Variants in RYR2 observed in about 807,000 individuals in gnomAD.
RYR2 encodes ryanodine receptor 2.
RYR2 carries 227 observed loss-of-function variants against 601.1 expected under a neutral mutation model. The ratio of observed to expected loss-of-function variants is 0.38; its 90% CI spans 0.34 to 0.42. The LOEUF (loss-of-function observed/expected upper bound fraction) is 0.42. Among genes scored for constraint, RYR2 ranks in the 10% least tolerant of loss-of-function variants. The probability of loss-of-function intolerance (pLI) is 1.00; values close to 1 mark genes in which losing one functional copy is unlikely to be tolerated. For missense variants in RYR2, 4,646 were observed against 6,156.5 expected (o/e 0.75, Z 8.21); for synonymous variants, 2,223 against 2,175.1 (o/e 1.02, Z -0.61).
chr1:237,814,718 G>A (rs1661606136), intron 100 of RYR2, among the ~76,000 whole-genome samples: 1 of 152,120 alleles, frequency 6.6e-6, no homozygotes, highest in Non-Finnish European at 1.5e-5. Context: ...TAGCCAGGGA[G>A]TCTGACTTGA....
At chr1:237,649,816 C>A (rs1335837169) in intron 49 of RYR2, 61 bp from the exon 50 acceptor site, 20 of 1,403,702 alleles carry the variant, frequency 1.4e-5, no homozygotes, top group Non-Finnish European at 2.0e-5. Flanking sequence ...CCATGTTAAT[C>A]CCTTTGAAGA....
intron 10 of RYR2, among the ~76,000 whole-genome samples, chr1:237,403,292 A>C (rs1467548720): frequency 6.6e-6 from 1 of 152,214 alleles, no homozygotes; most frequent in Non-Finnish European, 1.5e-5. Flanking sequence ...AAGATATAGT[A>C]CCTTTAAAGG....
At position 237,638,340 on chromosome 1, in the gene RYR2, A is replaced by T. The variant is rs1177130079; in HGVS notation, c.6793-17A>T. ...TTCAGCCAAGGGATAACTCTTTGTT[A>T]ATCATGTTGTTTGCAGGTAGTTCGT... On this transcript the variant is annotated splice_polypyrimidine_tract_variant and intron_variant, in intron 44 of 104. Transcript: ENST00000366574. The T allele has an allele frequency of 6.2e-7, 1 of 1,613,720 alleles. No homozygotes were observed. The highest frequency in any genetic ancestry group is 1.7e-4 in the Middle Eastern group (1 of 6,056).
At chr1:237,492,307 C>A (rs540677607) in intron 18 of RYR2, among the ~76,000 whole-genome samples, 1 of 152,356 alleles carries the variant, frequency 6.6e-6, no homozygotes, top group South Asian at 2.1e-4. Context: ...TCTGGGATTA[C>A]AGGCATGAGC....
chr1:237,445,231 T>C (rs1708226662), intron 13 of RYR2, among the ~76,000 whole-genome samples, 170 bp from the exon 14 acceptor site: 1 of 152,180 alleles, frequency 6.6e-6, no homozygotes, highest in Admixed American at 6.5e-5. Flanking sequence ...CTAATTTGTA[T>C]AGGGAGCTGT....
intron 1 of RYR2, among the ~76,000 whole-genome samples, chr1:237,068,533 A>G (rs539612623): frequency 6.6e-6 from 1 of 152,182 alleles, no homozygotes; most frequent in East Asian, 1.9e-4. Flanking sequence ...TCACATTTTC[A>G]CTGGTGGATG....
intron 90 of RYR2, 59 bp from the exon 91 acceptor site, chr1:237,785,910 C>T (rs1411459231): frequency 8.5e-7 from 1 of 1,181,940 alleles, no homozygotes; most frequent in African/African-American, 1.5e-5. Flanking sequence ...ATGGCTCCCT[C>T]AATTCATTCA....
At chr1:237,491,657 T>C in intron 17 of RYR2, 149 bp from the exon 18 acceptor site, 1 of 545,946 alleles carries the variant, frequency 1.8e-6, no homozygotes, top group South Asian at 2.4e-5. Context: ...ACACCACCTG[T>C]CACCTATCAC....
At chr1:237,471,996 A>G (rs1660776386) in intron 17 of RYR2, among the ~76,000 whole-genome samples, 1 of 152,228 alleles carries the variant, frequency 6.6e-6, no homozygotes, top group South Asian at 2.1e-4. Flanking sequence ...CCCTAGCATC[A>G]GACTTGCAAT....
intron 12 of RYR2, among the ~76,000 whole-genome samples, chr1:237,423,763 T>A (rs1705828563): frequency 6.6e-6 from 1 of 152,238 alleles, no homozygotes; most frequent in Admixed American, 6.5e-5. Context: ...TCCATTCTTA[T>A]ATGCGGACCT....
chr1:237,355,873 C>A, intron 3 of RYR2, 92 bp from the exon 4 acceptor site: 2 of 1,171,382 alleles, frequency 1.7e-6, no homozygotes, highest in African/African-American at 1.5e-5. Flanking sequence ...GTGCAAGGAC[C>A]AAATTGATAT....
At chr1:237,215,043 T>G (rs1176904678) in intron 1 of RYR2, among the ~76,000 whole-genome samples, 1 of 152,182 alleles carries the variant, frequency 6.6e-6, no homozygotes, top group East Asian at 1.9e-4. Flanking sequence ...GTGAGGATCT[T>G]TATGGTTTAA....
intron 1 of RYR2, among the ~76,000 whole-genome samples, chr1:237,256,613 A>G (rs1276546023): frequency 6.6e-6 from 1 of 152,194 alleles, no homozygotes; most frequent in East Asian, 1.9e-4. Flanking sequence ...TGAAAGCGGT[A>G]ATTGAAGAGG....
chr1:237,813,765 T>C (rs1661495170), intron 100 of RYR2, among the ~76,000 whole-genome samples: 1 of 152,206 alleles, frequency 6.6e-6, no homozygotes, highest in Non-Finnish European at 1.5e-5. Flanking sequence ...TTTTTCAGTT[T>C]GAGGGATTTC....
At chr1:237,374,864 G>A (rs182131513) in intron 7 of RYR2, 69 bp downstream of exon 7, 26 of 1,173,880 alleles carry the variant, frequency 2.2e-5, no homozygotes, top group South Asian at 1.6e-4. Context: ...GGAAGAAGCC[G>A]GGAAATACGA....
In RYR2 at chr1:237,634,893, C is replaced by A; in HGVS notation, c.6693C>A (p.Ser2231=). The change falls in exon 44 of 105, where the codon TCC becomes TCA. Residue 2231 remains serine (S), a synonymous_variant. Coordinates refer to ENST00000366574, the MANE Select transcript of RYR2 (RefSeq NM_001035.3). Reference sequence around the variant, plus strand: ...CATCTTCATTTGAATTAATAGCCTCCCCAGCTATGAGAGGTTCAACACCAC... The same window carrying A: ...CATCTTCATTTGAATTAATAGCCTCACCAGCTATGAGAGGTTCAACACCAC... The part of the protein sequence containing the change: ...LLENSSVGLA[S]PAMRGSTPLD... 6.2e-7 allele frequency: 1 copy of A among 1,603,708 alleles called. No homozygotes were observed. Among genetic ancestry groups the A allele is most frequent in the Non-Finnish European group, 8.5e-7 (1 of 1,174,696 alleles).
intron 1 of RYR2, among the ~76,000 whole-genome samples, chr1:237,048,988 G>A (rs1660924462): frequency 6.6e-6 from 1 of 152,174 alleles, no homozygotes; most frequent in South Asian, 2.1e-4. Context: ...ATCTCTTCTG[G>A]AAGCAGAAGA....
At chr1:237,189,212 T>G (rs1679696903) in intron 1 of RYR2, among the ~76,000 whole-genome samples, 2 of 152,206 alleles carry the variant, frequency 1.3e-5, no homozygotes, top group African/African-American at 4.8e-5. Context: ...TGGTGTGGCA[T>G]GCCATAGAAT....
intron 2 of RYR2, among the ~76,000 whole-genome samples, chr1:237,289,553 C>A (rs547607217): frequency 2.0e-5 from 3 of 152,240 alleles, no homozygotes; most frequent in Admixed American, 2.0e-4. Flanking sequence ...AACAAATCAT[C>A]AGATCTCATG....
Sources: allele counts gnomAD v4.1 joint callset (sites outside exome capture counted in the v4.1 genomes callset), GRCh38; gene constraint gnomAD v4.1.1; transcripts MANE v1.5; gene names NCBI Gene and HGNC (gene_info 2026-07-23, HGNC 2026-07-21).